Variants in OLA1 observed in about 807,000 individuals in gnomAD.
OLA1 encodes the protein obg-like ATPase 1.
Under a neutral mutation model 48.4 loss-of-function variants are expected in OLA1, and 14 were observed. The ratio of observed to expected loss-of-function variants is 0.29; its 90% CI spans 0.19 to 0.45. OLA1 has a LOEUF of 0.45. Among genes scored for constraint, OLA1 ranks in the 20% least tolerant of loss-of-function variants. The pLI, the probability that OLA1 is intolerant of heterozygous loss-of-function variation, is 1.00. For synonymous variants in OLA1, 127 were observed against 150.4 expected (o/e 0.84, Z 1.14); for missense variants, 325 against 467.1 (o/e 0.70, Z 2.80).
intron 4 of OLA1, among the ~76,000 whole-genome samples, chr2:174,163,603 T>C (rs1410854363): frequency 6.7e-6 from 1 of 149,990 alleles, no homozygotes; most frequent in Non-Finnish European, 1.5e-5. Flanking sequence ...GGCAGGAGAA[T>C]TGCTTGAACC....
intron 2 of OLA1, among the ~76,000 whole-genome samples, chr2:174,240,803 T>A (rs1426201676): frequency 6.6e-6 from 1 of 152,100 alleles, no homozygotes. Flanking sequence ...CTTTGAGCAA[T>A]CAAGAATGGA....
At chr2:174,122,754 T>A (rs1041962839) in intron 7 of OLA1, among the ~76,000 whole-genome samples, 4 of 150,838 alleles carry the variant, frequency 2.7e-5, no homozygotes, top group East Asian at 1.9e-4. Flanking sequence ...TTTTTTTTTT[T>A]AAAGCATTCA....
At chr2:174,095,339 T>G (rs1355497321) in intron 7 of OLA1, among the ~76,000 whole-genome samples, 9 of 125,428 alleles carry the variant, frequency 7.2e-5, no homozygotes, top group Non-Finnish European at 1.1e-4. Flanking sequence ...TTTTTTTTTT[T>G]TTTTTTTTTT....
At position 174,246,698 on chromosome 2, in the gene OLA1, C is replaced by A; in HGVS notation, c.101+17G>T. ...ATTTACAAAATGAAAATCACAAAAGCCCCAACGTTCACCTACCCAACATTT... is the reference window on the plus strand; with the variant it reads ...ATTTACAAAATGAAAATCACAAAAGACCCAACGTTCACCTACCCAACATTT... On this transcript the variant is annotated intron_variant, in intron 2 of 10. Transcript: ENST00000284719. The A allele has an allele frequency of 6.7e-7, 1 of 1,487,340 alleles. No homozygotes were observed. The highest frequency in any genetic ancestry group is 9.4e-7 in the Non-Finnish European group (1 of 1,069,130). The allele number at this position is 1,487,340 out of a possible 1,614,324, so 92.1% of individuals were successfully genotyped here.
At chr2:174,118,648 T>G (rs899831735) in intron 7 of OLA1, among the ~76,000 whole-genome samples, 2 of 152,106 alleles carry the variant, frequency 1.3e-5, no homozygotes, top group Non-Finnish European at 2.9e-5. Context: ...TTATGTGGAG[T>G]GAAATTCTTC....
At chr2:174,214,399 G>GT (rs1474341144) in intron 4 of OLA1, among the ~76,000 whole-genome samples, 1 of 152,164 alleles carries the variant, frequency 6.6e-6, no homozygotes, top group African/African-American at 2.4e-5. Flanking sequence ...TATTATAATT[G>GT]TAAGTTGCAC....
intron 4 of OLA1, among the ~76,000 whole-genome samples, chr2:174,216,701 C>T (rs184765684): frequency 1.1e-3 from 169 of 152,000 alleles, no homozygotes; most frequent in Middle Eastern, 3.4e-3. Flanking sequence ...TACAGGTGCA[C>T]GCCACAATGC....
At chr2:174,213,939 T>C (rs1688304698) in intron 4 of OLA1, among the ~76,000 whole-genome samples, 1 of 151,794 alleles carries the variant, frequency 6.6e-6, no homozygotes, top group East Asian at 1.9e-4. Flanking sequence ...ATGTTATGTA[T>C]ATATTACCAT....
chr2:174,167,712 A>T, intron 4 of OLA1, among the ~76,000 whole-genome samples: 1 of 152,252 alleles, frequency 6.6e-6, no homozygotes, highest in South Asian at 2.1e-4. Flanking sequence ...GAATATGATT[A>T]TACTTGGTAG....
At chr2:174,207,883 A>G (rs1438180810) in intron 4 of OLA1, among the ~76,000 whole-genome samples, 2 of 152,214 alleles carry the variant, frequency 1.3e-5, no homozygotes, top group African/African-American at 4.8e-5. Flanking sequence ...AACTGCACAG[A>G]TTCACTTAAA....
chr2:174,208,584 G>A (rs1163740766), intron 4 of OLA1, among the ~76,000 whole-genome samples: 1 of 152,170 alleles, frequency 6.6e-6, no homozygotes, highest in Admixed American at 6.5e-5. Context: ...AATTTACCAT[G>A]TGATGGGAGC....
chr2:174,114,172 C>CAAAAAAAAA (rs33971592), intron 7 of OLA1, among the ~76,000 whole-genome samples: 26 of 77,842 alleles, frequency 3.3e-4, no homozygotes, highest in Admixed American at 5.7e-4. Context: ...ACTAAAAATA[C>CAAAAAAAAA]AAAAAAAAAA....
chr2:174,148,163 G>A (rs1381439867), intron 4 of OLA1, among the ~76,000 whole-genome samples: 2 of 152,238 alleles, frequency 1.3e-5, no homozygotes, highest in African/African-American at 4.8e-5. Flanking sequence ...GAGGCGGGCA[G>A]ATAACCTGAG....
In OLA1 at chr2:174,231,244, T is replaced by C. The variant is rs565695884; in HGVS notation, c.102-1793A>G. Among the ~76,000 whole-genome samples the C allele has an allele frequency of 3.3e-5, 5 of 152,342 alleles. No homozygotes were observed. The South Asian group carries it at 8.3e-4, about 25-fold the overall frequency. On this transcript the variant is annotated intron_variant, in intron 2 of 10. Transcript: ENST00000284719. ...AGAACAGTCCAGGAATCCTTATTTA[T>C]CTAAAATGTAATGAAAATATTGTAT...
intron 4 of OLA1, among the ~76,000 whole-genome samples, chr2:174,199,403 A>G (rs1385299700): frequency 2.0e-5 from 3 of 152,196 alleles, no homozygotes; most frequent in Non-Finnish European, 4.4e-5. Flanking sequence ...AACACAGCCA[A>G]TGCTCCATTC....
chr2:174,154,261 T>C (rs1156953401), intron 4 of OLA1, among the ~76,000 whole-genome samples: 1 of 152,200 alleles, frequency 6.6e-6, no homozygotes, highest in Non-Finnish European at 1.5e-5. Flanking sequence ...GCAATAGCCA[T>C]CTCGCTATTT....
At chr2:174,241,431 C>T (rs1688999820) in intron 2 of OLA1, among the ~76,000 whole-genome samples, 1 of 152,008 alleles carries the variant, frequency 6.6e-6, no homozygotes, top group Non-Finnish European at 1.5e-5. Context: ...CAACCTTTTC[C>T]CTCAGCAATG....
chr2:174,093,550 T>C (rs1224450813), intron 7 of OLA1, among the ~76,000 whole-genome samples: 1 of 151,990 alleles, frequency 6.6e-6, no homozygotes, highest in African/African-American at 2.4e-5. Context: ...AAATTTACGA[T>C]CTCTAGAAGC....
chr2:174,110,288 G>A (rs1685616689), intron 7 of OLA1, among the ~76,000 whole-genome samples: 1 of 146,654 alleles, frequency 6.8e-6, no homozygotes, highest in Non-Finnish European at 1.5e-5. Context: ...ACAGGCATGT[G>A]CCACCATGCT....
Sources: gnomAD v4.1 joint callset for allele counts (sites outside exome capture counted in the v4.1 genomes callset) on GRCh38, gnomAD v4.1.1 for gene constraint, MANE v1.5 for transcripts, NCBI Gene and HGNC (gene_info 2026-07-23, HGNC 2026-07-21) for gene names.